Variants in DCC observed in about 807,000 individuals in gnomAD.
The protein encoded by DCC is netrin receptor DCC.
DCC carries 58 observed loss-of-function variants against 172.5 expected under a neutral mutation model. The ratio of observed to expected loss-of-function variants is 0.34; its 90% confidence interval spans 0.27 to 0.42. DCC has a LOEUF of 0.42. Ranked by LOEUF, DCC falls within the 10% of genes least tolerant of loss-of-function variation. DCC has a pLI of 1.00. For synonymous variants in DCC, 709 were observed against 644.5 expected (o/e 1.10, Z -1.52); for missense variants, 1,740 against 1,791.0 (o/e 0.97, Z 0.51).
chr18:52,813,541 TAA>T (rs1315031263), intron 2 of DCC, among the ~76,000 whole-genome samples: 4 of 152,106 alleles, frequency 2.6e-5, no homozygotes, highest in African/African-American at 9.7e-5. Flanking sequence ...AGTGGAAACT[TAA>T]AAGTTATATG....
intron 2 of DCC, among the ~76,000 whole-genome samples, chr18:52,864,018 T>C (rs770116085): frequency 6.6e-6 from 1 of 152,114 alleles, no homozygotes; most frequent in South Asian, 2.1e-4. Context: ...TGAGTGGTCA[T>C]TTATAAGTCA....
At chr18:52,981,476 C>T (rs1240423440) in intron 5 of DCC, among the ~76,000 whole-genome samples, 1 of 151,930 alleles carries the variant, frequency 6.6e-6, no homozygotes, top group Admixed American at 6.6e-5. Context: ...TTCTGAAACT[C>T]TTTACCTAAG....
chr18:53,485,484 T>A (rs2045889917), intron 25 of DCC, among the ~76,000 whole-genome samples: 1 of 152,110 alleles, frequency 6.6e-6, no homozygotes, highest in Admixed American at 6.6e-5. Context: ...TATATTTTTA[T>A]TCAATTTATA....
At chr18:53,240,050 AC>A (rs375537153) in intron 12 of DCC, among the ~76,000 whole-genome samples, 3,096 of 140,510 alleles carry the variant, frequency 0.022, 117 homozygotes, top group African/African-American at 0.08. Flanking sequence ...AAAAAAAAAA[AC>A]AACAAAACAC....
chr18:52,580,594 GT>G (rs2033522854), intron 1 of DCC, among the ~76,000 whole-genome samples: 1 of 152,144 alleles, frequency 6.6e-6, no homozygotes, highest in Non-Finnish European at 1.5e-5. Flanking sequence ...GCTTAGGAAA[GT>G]TATCTGGTCA....
intron 2 of DCC, among the ~76,000 whole-genome samples, chr18:52,848,932 T>C (rs1279009050): frequency 1.3e-5 from 2 of 152,236 alleles, no homozygotes; most frequent in Non-Finnish European, 2.9e-5. Flanking sequence ...AAAGGCAGCA[T>C]TGACAGTGTG....
At chr18:53,190,965 A>G (rs929278455) in intron 9 of DCC, among the ~76,000 whole-genome samples, 1 of 151,992 alleles carries the variant, frequency 6.6e-6, no homozygotes, top group African/African-American at 2.4e-5. Context: ...CAAACAAACA[A>G]ACAAAAAATC....
intron 1 of DCC, among the ~76,000 whole-genome samples, chr18:52,584,197 T>G (rs2033618957): frequency 6.6e-6 from 1 of 152,216 alleles, no homozygotes; most frequent in South Asian, 2.1e-4. Flanking sequence ...ATACATAAGG[T>G]GAGTGGGATA....
At chr18:53,289,103 A>G (rs1367632) in intron 12 of DCC, among the ~76,000 whole-genome samples, 2 of 152,134 alleles carry the variant, frequency 1.3e-5, no homozygotes, top group South Asian at 2.1e-4. Flanking sequence ...CTTTACAGAC[A>G]TTAATTAGTT....
At chr18:52,420,143 A>C (rs1987197953) in intron 1 of DCC, among the ~76,000 whole-genome samples, 1 of 152,172 alleles carries the variant, frequency 6.6e-6, no homozygotes, top group African/African-American at 2.4e-5. Flanking sequence ...ATGGTTGTGC[A>C]TTTAGAAAAA....
intron 1 of DCC, among the ~76,000 whole-genome samples, chr18:52,463,287 C>T (rs1988686882): frequency 6.6e-6 from 1 of 152,004 alleles, no homozygotes; most frequent in South Asian, 2.1e-4. Context: ...GTGGCCTTTT[C>T]CTCCTGACTT....
At chr18:52,373,829 C>T (rs1362936475) in intron 1 of DCC, among the ~76,000 whole-genome samples, 1 of 151,474 alleles carries the variant, frequency 6.6e-6, no homozygotes, top group Non-Finnish European at 1.5e-5. Context: ...GGATAGATCA[C>T]AGGCTTTTGC....
chr18:53,490,076 T>C (rs1445635345), intron 26 of DCC, among the ~76,000 whole-genome samples: 3 of 152,194 alleles, frequency 2.0e-5, no homozygotes, highest in Non-Finnish European at 2.9e-5. Flanking sequence ...GACATTGTCT[T>C]AACTAGTGGG....
intron 2 of DCC, among the ~76,000 whole-genome samples, chr18:52,802,643 CTTTTTTTTTTTTTT>C (rs776080029): frequency 0.013 from 510 of 38,218 alleles, 16 homozygotes; most frequent in African/African-American, 0.042. Flanking sequence ...CACGCCAAGC[CTTTTTTTTTTTTTT>C]TTTTTTTTTT....
chr18:52,719,404 A>G (rs2036438631), intron 1 of DCC, among the ~76,000 whole-genome samples: 1 of 152,170 alleles, frequency 6.6e-6, no homozygotes, highest in Non-Finnish European at 1.5e-5. Flanking sequence ...TTGAGAGAAT[A>G]AAGCGTTGAG....
chr18:53,079,353 T>A (rs563557085), intron 7 of DCC, among the ~76,000 whole-genome samples: 1 of 152,200 alleles, frequency 6.6e-6, no homozygotes, highest in African/African-American at 2.4e-5. Context: ...TTTGATAAAA[T>A]ATTTTAGATC....
At chr18:53,367,988 C>T (rs1274400672) in intron 15 of DCC, among the ~76,000 whole-genome samples, 1 of 152,076 alleles carries the variant, frequency 6.6e-6, no homozygotes, top group African/African-American at 2.4e-5. Context: ...TTTTTAATTG[C>T]TTGAGGCTCT....
At chr18:52,497,280 A>AAAAAAAAATATAT (rs1555689730) in intron 1 of DCC, among the ~76,000 whole-genome samples, 1 of 21,572 alleles carries the variant, frequency 4.6e-5, no homozygotes, top group Non-Finnish European at 1.1e-4. Context: ...AAAAAAAAAA[A>AAAAAAAAATATAT]ATATATATAT....
At chr18:53,419,229 G>GAAAT (rs1285350065) in intron 21 of DCC, among the ~76,000 whole-genome samples, 1 of 152,146 alleles carries the variant, frequency 6.6e-6, no homozygotes, top group African/African-American at 2.4e-5. Flanking sequence ...CATACAGTGT[G>GAAAT]AAATAAGCAC....
Sources: allele counts gnomAD v4.1 joint callset (sites outside exome capture counted in the v4.1 genomes callset), GRCh38; gene constraint gnomAD v4.1.1; transcripts MANE v1.5; gene names NCBI Gene and HGNC (gene_info 2026-07-23, HGNC 2026-07-21).